The following DCLRE1B variants were observed in gnomAD, a reference collection of about 807,000 sequenced individuals.
The protein encoded by DCLRE1B is 5' exonuclease Apollo.
A neutral mutation model predicts 19.8 loss-of-function variants in DCLRE1B; 6 were observed. That is an observed-to-expected ratio of 0.30 (90% CI 0.17 to 0.60). The LOEUF is 0.60. Among genes scored for constraint, DCLRE1B ranks in the 20% least tolerant of loss-of-function variants. The pLI, the probability that DCLRE1B is intolerant of heterozygous loss-of-function variation, is 0.87. For synonymous variants in DCLRE1B, 258 were observed against 255.7 expected (o/e 1.01, Z -0.09); for missense variants, 622 against 654.2 (o/e 0.95, Z 0.54).
chr1:113,907,212 T>TTTG, intron 2 of DCLRE1B, 51 bp downstream of exon 2: 1 of 1,002,722 alleles, frequency 1.0e-6, no homozygotes, highest in South Asian at 2.0e-5. Context: ...ATGTTTTTTT[T>TTTG]TTTTTTTTTT....
At chr1:113,907,831 G>T (rs142053446) in intron 2 of DCLRE1B, among the ~76,000 whole-genome samples, 178 bp from the exon 3 acceptor site, 113 of 152,252 alleles carry the variant, frequency 7.4e-4, no homozygotes, top group African/African-American at 2.7e-3. Flanking sequence ...AATAGGAGTA[G>T]GATGGAGACA....
At chr1:113,910,851 G>C (rs1288140301) in intron 3 of DCLRE1B, among the ~76,000 whole-genome samples, 2 of 152,114 alleles carry the variant, frequency 1.3e-5, no homozygotes, top group Admixed American at 1.3e-4. Context: ...TCTCCTTGTA[G>C]ATAGTACTTC....
chr1:113,907,215 T>TTTG (rs1669063358), intron 2 of DCLRE1B, 54 bp downstream of exon 2: 2 of 1,101,316 alleles, frequency 1.8e-6, no homozygotes, highest in African/African-American at 2.0e-5. Flanking sequence ...TTTTTTTTTT[T>TTTG]TTTTTTTTTT....
rs1669109713 is a variant in DCLRE1B at position 113,908,136 on chromosome 1, T to G, written c.483T>G (p.Ala161=). ...PALVLPSRQE[A]AHQIVQLIRK... ...TGGTTCTTCCTTCCCGACAAGAAGC[T>G]GCCCACCAGATTGTCCAGCTCATTC... is the stretch of plus-strand genomic sequence containing the variant. Residue 161 remains alanine (A), a synonymous_variant, in exon 3 of 4, where the codon GCT becomes GCG. Transcript: ENST00000650450. 1 of 1,614,214 alleles carries G rather than the reference T, an allele frequency of 6.2e-7. No individual in the cohort carries two copies. Among genetic ancestry groups the G allele is most frequent in the African/African-American group, 1.3e-5 (1 of 75,058 alleles).
rs369244536 is a variant in DCLRE1B, at chr1:113,906,961, T to A, written c.190-35T>A. 6.4e-5 allele frequency: 103 copies of A among 1,610,202 alleles called. No individual in the cohort carries two copies. In the East Asian group the frequency reaches 1.5e-3, roughly 23 times the overall value. Reference sequence around the variant, plus strand: ...GACCCGGGGAGGTAACGGAGAGGAGTCAGTGGTCACTGGGATGACTAACTG... The same window carrying A: ...GACCCGGGGAGGTAACGGAGAGGAGACAGTGGTCACTGGGATGACTAACTG... On this transcript the variant is annotated intron_variant, in intron 1 of 3. Transcript: ENST00000650450.
At position 113,911,804 on chromosome 1, in the gene DCLRE1B, C is replaced by G. The variant is rs1380353295; in HGVS notation, c.1212C>G (p.Leu404=). ...TCAAGAAGCAGTTGTTCCCAGATCT[C>G]TATAGCAAAGAATGGAACAAGGCAG... ...LRIKKQLFPD[L]YSKEWNKAVP... is the part of the protein sequence containing the mutation. Residue 404 remains leucine (L), a synonymous_variant, in exon 4 of 4, where the codon CTC becomes CTG. Coordinates refer to ENST00000650450, the MANE Select transcript of DCLRE1B (RefSeq NM_022836.4). 3 of 1,614,184 alleles carry G rather than the reference C, an allele frequency of 1.9e-6. No homozygotes were observed. The East Asian group carries it at 6.7e-5, about 36-fold the overall frequency.
chr1:113,904,941 CCGT>C, upstream of DCLRE1B: 1 of 528,694 alleles, frequency 1.9e-6, no homozygotes, highest in Non-Finnish European at 3.4e-6. Context: ...TCAGGCCCTA[CCGT>C]CGGCCGGCAG....
chr1:113,907,888 G>C, intron 2 of DCLRE1B, 121 bp from the exon 3 acceptor site: 1 of 1,081,244 alleles, frequency 9.2e-7, no homozygotes. Flanking sequence ...TCAGTGCCAG[G>C]CTACATAATA....
rs540372340 is a variant in DCLRE1B, at chr1:113,905,360, C to A, written c.-227C>A. On this transcript the variant is annotated 5_prime_UTR_variant, in exon 1 of 4. Transcript: ENST00000650450. ...GCCCGGCTCGGCCTCCGCTCCCGCG[C>A]GGTTGGGAGTGTCCAGCGCCCTCCG... The A allele has an allele frequency of 1.8e-6, 1 of 541,262 alleles. No homozygotes were observed. 33.5% of individuals were successfully genotyped at this position (541,262 alleles called of 1,614,324 possible). A position where few individuals can be genotyped will look rare whatever the true frequency, so the allele number is the denominator to read the frequency against.
chr1:113,905,526 C>A lies in DCLRE1B; in HGVS notation c.-61C>A. The A allele has an allele frequency of 6.4e-7, 1 of 1,554,324 alleles. No individual in the cohort carries two copies. Among genetic ancestry groups the A allele is most frequent in the South Asian group, 1.1e-5 (1 of 88,456 alleles). ...TTTTATCGGGACGCCGTTGTGGAAG[C>A]CTCACGCAGGAGCCCTGCCCCCGTG... On this transcript the variant is annotated 5_prime_UTR_variant, in exon 1 of 4. Coordinates refer to ENST00000650450, the MANE Select transcript of DCLRE1B (RefSeq NM_022836.4).
intron 3 of DCLRE1B, 119 bp downstream of exon 3, chr1:113,908,310 T>C (rs1669118304): frequency 7.4e-7 from 1 of 1,353,506 alleles, no homozygotes; most frequent in Non-Finnish European, 1.0e-6. Flanking sequence ...GACCACCTTA[T>C]TTAAAATTGC....
intron 3 of DCLRE1B, 92 bp from the exon 4 acceptor site, chr1:113,911,039 T>C: frequency 8.2e-7 from 1 of 1,224,832 alleles, no homozygotes; most frequent in Non-Finnish European, 1.1e-6. Flanking sequence ...TGTATCTATT[T>C]TTGTTAAACA....
chr1:113,912,096 C>G lies in DCLRE1B; in HGVS notation c.1504C>G (p.Leu502Val). Residue 502 changes from leucine to valine, a missense_variant, in exon 4 of 4, where the codon CTC becomes GTC. Physicochemically the swap from Leu to Val is conservative, Grantham distance 32 (BLOSUM62 1). Around this residue, in one of 3 missense-constraint regions of DCLRE1B, gnomAD observed 382 missense variants for 412.5 expected, o/e 0.93. Transcript: ENST00000650450. ...AGCTACTGAATTCAGGGGTCTAGCACTCAAATATCTTCTGACTCCAGTGAA... is the reference window on the plus strand; with the variant it reads ...AGCTACTGAATTCAGGGGTCTAGCAGTCAAATATCTTCTGACTCCAGTGAA... ...LLATEFRGLA[L>V]KYLLTPVNFF... is the part of the protein sequence containing the mutation. The G allele has an allele frequency of 1.9e-6, 3 of 1,614,222 alleles. No homozygotes were observed. The highest frequency in any genetic ancestry group is 2.5e-6 in the Non-Finnish European group (3 of 1,180,052).
chr1:113,911,830 T>C lies in DCLRE1B; in HGVS notation c.1238T>C (p.Val413Ala), dbSNP rs367553852. 127 of 1,614,110 alleles carry C rather than the reference T, an allele frequency of 7.9e-5. No individual in the cohort carries two copies. The highest frequency in any genetic ancestry group is 1.0e-4 in the Non-Finnish European group (123 of 1,180,050). The change falls in exon 4 of 4, where the codon GTG (valine) becomes GCG (alanine). Residue 413 changes from valine (V) to alanine (A), a missense_variant. By Grantham distance (64) the Val-to-Ala change is moderately conservative. Coordinates refer to ENST00000650450, the MANE Select transcript of DCLRE1B (RefSeq NM_022836.4). ...TATAGCAAAGAATGGAACAAGGCAG[T>C]GCCTTTCTGTGAGTCTCAAAAGAGG... ...DLYSKEWNKA[V>A]PFCESQKRVT...
At chr1:113,906,086 T>C (rs936101855) in intron 1 of DCLRE1B, among the ~76,000 whole-genome samples, 1 of 123,724 alleles carries the variant, frequency 8.1e-6, no homozygotes, top group Non-Finnish European at 1.6e-5. Context: ...AGACGGAGTC[T>C]CGCTCTGTTG....
chr1:113,908,676 C>G (rs2101070961), intron 3 of DCLRE1B, among the ~76,000 whole-genome samples: 1 of 152,292 alleles, frequency 6.6e-6, no homozygotes, highest in Non-Finnish European at 1.5e-5. Flanking sequence ...TTCCCAACTC[C>G]TGATCATCCA....
rs1022668924 is a variant in DCLRE1B at position 113,913,831 on chromosome 1, T to C, written c.*1640T>C. 6.6e-6 allele frequency: 1 copy of C among 152,280 alleles called. No homozygotes were observed. Among genetic ancestry groups the C allele is most frequent in the Non-Finnish European group, 1.5e-5 (1 of 68,044 alleles). The allele number at this position is 152,280 out of a possible 1,614,324, so 9.4% of individuals were successfully genotyped here. On this transcript the variant is annotated 3_prime_UTR_variant, in exon 4 of 4. Transcript: ENST00000650450. ...GATTTGCTATCTTTTAGTTTTTTTT[T>C]CTATGCATGTAGATGTATTAAATAT...
chr1:113,905,129 C>T (rs1036793185), upstream of DCLRE1B: 33 of 354,274 alleles, frequency 9.3e-5, no homozygotes, highest in Non-Finnish European at 1.5e-4. Context: ...AGTCCCGCCC[C>T]CTTGTCAAGA....
Position 113,912,355 on chromosome 1 carries a change from G to T in DCLRE1B, c.*164G>T. On this transcript the variant is annotated 3_prime_UTR_variant, in exon 4 of 4. Coordinates refer to ENST00000650450, the MANE Select transcript of DCLRE1B (RefSeq NM_022836.4). ...AGCACTTCCCAAAACTTGTTCACTG[G>T]GGTCCTCGTGCCTATGGAATCCTTC... The T allele has an allele frequency of 1.7e-6, 1 of 594,580 alleles. No homozygotes were observed. Among genetic ancestry groups the T allele is most frequent in the Middle Eastern group, 4.6e-4 (1 of 2,164 alleles). 36.8% of individuals were successfully genotyped at this position (594,580 alleles called of 1,614,324 possible). A position where few individuals can be genotyped will look rare whatever the true frequency, so the allele number is the denominator to read the frequency against.
Sources: allele counts gnomAD v4.1 joint callset (sites outside exome capture counted in the v4.1 genomes callset), GRCh38; gene constraint gnomAD v4.1.1; regional missense constraint gnomAD v4.1.1; transcripts MANE v1.5; gene names NCBI Gene and HGNC (gene_info 2026-07-23, HGNC 2026-07-21).